The following FAAH2 variants were observed in gnomAD, a reference collection of about 807,000 sequenced individuals.
FAAH2 encodes the protein fatty-acid amide hydrolase 2.
Under a neutral mutation model 36.9 loss-of-function variants are expected in FAAH2, and 60 were observed. That is an observed-to-expected ratio of 1.63 (90% CI 1.32 to 2.02). FAAH2 has a LOEUF of 2.02. FAAH2 is among the 30% of genes most tolerant of loss of function. FAAH2 has a pLI of 0.00. For synonymous variants in FAAH2, 214 were observed against 143.8 expected, an observed-to-expected ratio of 1.49 and a Z score of -3.49; for missense variants, 689 against 397.5, an observed-to-expected ratio of 1.73 and a Z score of -6.23.
the FAAH2 span, among the ~76,000 whole-genome samples, chrX:57,189,714 G>A: frequency 1.8e-5 from 2 of 111,618 alleles, no homozygotes; most frequent in Non-Finnish European, 3.8e-5. Flanking sequence ...ATCACCAGTG[G>A]GGGCTGCAGA....
chrX:57,203,994 T>C, the FAAH2 span, among the ~76,000 whole-genome samples: 1 of 111,565 alleles, frequency 9.0e-6, no homozygotes, highest in Non-Finnish European at 1.9e-5. Context: ...ACTCTTGCTG[T>C]ATTTCTTAGC....
chrX:57,302,420 G>A (rs1986625670), intron 2 of FAAH2, among the ~76,000 whole-genome samples: 1 of 111,656 alleles, frequency 9.0e-6, no homozygotes, highest in African/African-American at 3.3e-5. Flanking sequence ...GCTAGGTGTT[G>A]AAGATATAAA....
chrX:57,245,991 A>T, the FAAH2 span, among the ~76,000 whole-genome samples: 1 of 111,842 alleles, frequency 8.9e-6, no homozygotes, highest in Non-Finnish European at 1.9e-5. Context: ...AGACTAACAA[A>T]CAAGAAGAGA....
the FAAH2 span, among the ~76,000 whole-genome samples, chrX:57,273,492 A>G: frequency 1.7e-3 from 194 of 111,776 alleles, 1 homozygote; most frequent in African/African-American, 6.1e-3. Context: ...TTATTTTAAA[A>G]TTGACCACAT....
chrX:57,151,195 T>G, the FAAH2 span, among the ~76,000 whole-genome samples: 1 of 112,064 alleles, frequency 8.9e-6, no homozygotes, highest in Non-Finnish European at 1.9e-5. Flanking sequence ...CCCTTAACAT[T>G]TTTTCCTTCA....
At chrX:57,305,265 A>G (rs1423448257) in intron 2 of FAAH2, among the ~76,000 whole-genome samples, 3 of 111,178 alleles carry the variant, frequency 2.7e-5, no homozygotes, top group South Asian at 7.5e-4. Flanking sequence ...TCACATGGGC[A>G]CCAAAAGTCA....
the FAAH2 span, among the ~76,000 whole-genome samples, chrX:57,236,961 G>GT: frequency 1.7e-3 from 194 of 111,261 alleles, 1 homozygote; most frequent in African/African-American, 6.0e-3. Context: ...TTTCCTTGTG[G>GT]TTTTTTCTGA....
intron 10 of FAAH2, among the ~76,000 whole-genome samples, chrX:57,461,467 C>T (rs1409801905): frequency 8.9e-6 from 1 of 111,938 alleles, no homozygotes; most frequent in Non-Finnish European, 1.9e-5. Flanking sequence ...GAACACAGTG[C>T]AATCAAATTA....
At chrX:57,293,972 A>C (rs1295786070) in intron 2 of FAAH2, among the ~76,000 whole-genome samples, 1 of 111,792 alleles carries the variant, frequency 8.9e-6, no homozygotes, top group East Asian at 2.8e-4. Context: ...AATTTTATGA[A>C]GTTCATGCAT....
chrX:57,272,767 G>A, the FAAH2 span, among the ~76,000 whole-genome samples: 1 of 112,179 alleles, frequency 8.9e-6, no homozygotes, highest in Non-Finnish European at 1.9e-5. Flanking sequence ...ACTAAACATG[G>A]AAAGGAAAAA....
intron 1 of FAAH2, among the ~76,000 whole-genome samples, chrX:57,289,570 G>A (rs1244575646): frequency 5.4e-5 from 6 of 110,876 alleles, no homozygotes; most frequent in Admixed American, 1.9e-4. Flanking sequence ...GGTGGAAAGA[G>A]GCTTCATTGC....
chrX:57,232,971 C>A, the FAAH2 span, among the ~76,000 whole-genome samples: 1 of 112,378 alleles, frequency 8.9e-6, no homozygotes, highest in African/African-American at 3.2e-5. Context: ...AAAAACATCA[C>A]TGAAGTCTTA....
intron 1 of FAAH2, among the ~76,000 whole-genome samples, chrX:57,288,036 G>A (rs767808857): frequency 9.0e-6 from 1 of 111,170 alleles, no homozygotes; most frequent in South Asian, 3.9e-4. Flanking sequence ...GGATGTATTC[G>A]GTTGGTGCAA....
At chrX:57,273,063 G>A in the FAAH2 span, among the ~76,000 whole-genome samples, 4 of 111,901 alleles carry the variant, frequency 3.6e-5, no homozygotes, top group African/African-American at 9.7e-5. Flanking sequence ...AAGGGATGGA[G>A]GGATACTTAT....
chrX:57,432,022 G>T lies in FAAH2; in HGVS notation c.1101G>T (p.Lys367Asn). 1 of 1,196,615 alleles carries T rather than the reference G, an allele frequency of 8.4e-7. No homozygotes were observed. The highest frequency in any genetic ancestry group is 1.9e-5 in the South Asian group (1 of 53,999). ...TGTGGATCGCAATGATGTCAGCAAA[G>T]GGACATGATGGGAAGGTATTTTTAC... ...FQLWIAMMSA[K>N]GHDGKEPVKF... Residue 367 changes from lysine to asparagine, a missense_variant, in exon 8 of 11, where the codon AAG becomes AAT. Transcript: ENST00000374900.
chrX:57,406,147 A>T (rs1436432797), intron 7 of FAAH2, among the ~76,000 whole-genome samples: 1 of 111,667 alleles, frequency 9.0e-6, no homozygotes, highest in Admixed American at 9.5e-5. Flanking sequence ...GATGTCATGT[A>T]TGACCTTTTG....
the FAAH2 span, among the ~76,000 whole-genome samples, chrX:57,216,582 G>A: frequency 1.4e-3 from 16 of 11,796 alleles, no homozygotes; most frequent in African/African-American, 4.0e-3. Flanking sequence ...GTATATATAT[G>A]TATATGTATA....
At chrX:57,282,791 C>T (rs1423005484), upstream of FAAH2, among the ~76,000 whole-genome samples, 2 of 111,809 alleles carry the variant, frequency 1.8e-5, no homozygotes, top group Non-Finnish European at 3.8e-5. Context: ...CCTGTATTTC[C>T]TCATGATTGC....
chrX:57,484,254 G>C (rs2057433772), intron 10 of FAAH2, among the ~76,000 whole-genome samples: 1 of 111,071 alleles, frequency 9.0e-6, no homozygotes, highest in Admixed American at 9.6e-5. Context: ...CCTATGCCCT[G>C]AGCTTGCTTC....
Sources: allele counts gnomAD v4.1 joint callset (sites outside exome capture counted in the v4.1 genomes callset), GRCh38; gene constraint gnomAD v4.1.1; transcripts MANE v1.5; gene names NCBI Gene and HGNC (gene_info 2026-07-23, HGNC 2026-07-21).